Variants in RUNX2 observed in about 807,000 individuals in gnomAD.
RUNX2 encodes the protein RUNX family transcription factor 2.
RUNX2 carries 10 observed loss-of-function variants against 51.7 expected under a neutral mutation model. The ratio of observed to expected loss-of-function variants is 0.19; its 90% CI spans 0.12 to 0.33. The LOEUF (loss-of-function observed/expected upper bound fraction) is 0.33. Ranked by LOEUF, RUNX2 falls within the 10% of genes least tolerant of loss-of-function variation. RUNX2 has a pLI of 1.00. For synonymous variants in RUNX2, 276 were observed against 273.6 expected, an observed-to-expected ratio of 1.01 and a Z score of -0.09; for missense variants, 562 against 691.3, an observed-to-expected ratio of 0.81 and a Z score of 2.10.
chr6:45,430,204 T>A (rs2150366905), intron 3 of RUNX2, among the ~76,000 whole-genome samples: 1 of 152,272 alleles, frequency 6.6e-6, no homozygotes, highest in East Asian at 1.9e-4. Flanking sequence ...TCTCGTGTAG[T>A]TTCCTAACTC....
At position 45,422,669 on chromosome 6, in the gene RUNX2, G is replaced by A; in HGVS notation, c.135G>A (p.Val45=). 6.2e-7 allele frequency: 1 copy of A among 1,607,190 alleles called. No individual in the cohort carries two copies. The highest frequency in any genetic ancestry group is 1.3e-5 in the African/African-American group (1 of 74,584). The stretch of plus-strand genomic sequence containing the variant: ...GCAAAATGAGCGACGTGAGCCCGGT[G>A]GTGGCTGCGCAACAGCAGCAGCAAC... ...QPGKMSDVSP[V]VAAQQQQQQQ... Residue 45 remains valine, a synonymous_variant, in exon 3 of 9, where the codon GTG becomes GTA. Transcript: ENST00000647337.
At chr6:45,367,298 G>A (rs900739912) in intron 2 of RUNX2, among the ~76,000 whole-genome samples, 3 of 152,074 alleles carry the variant, frequency 2.0e-5, no homozygotes, top group African/African-American at 7.2e-5. Context: ...AACTGAGCCC[G>A]AAAACCAAAA....
chr6:45,468,693 T>G (rs1365201053), intron 5 of RUNX2, among the ~76,000 whole-genome samples: 2 of 152,070 alleles, frequency 1.3e-5, no homozygotes, highest in Non-Finnish European at 2.9e-5. Flanking sequence ...TATAACCAGA[T>G]TTTTTTTCAC....
intron 5 of RUNX2, among the ~76,000 whole-genome samples, chr6:45,462,746 G>T (rs766301363): frequency 6.6e-6 from 1 of 152,242 alleles, no homozygotes; most frequent in Non-Finnish European, 1.5e-5. Flanking sequence ...TGAAATCAAA[G>T]TGTGTACAAA....
chr6:45,425,038 C>T (rs1798346542), intron 3 of RUNX2, among the ~76,000 whole-genome samples: 1 of 152,038 alleles, frequency 6.6e-6, no homozygotes, highest in Non-Finnish European at 1.5e-5. Context: ...CACCAACGCC[C>T]TCCAATCCCC....
At chr6:45,398,677 A>T (rs1797633074) in intron 2 of RUNX2, among the ~76,000 whole-genome samples, 1 of 152,142 alleles carries the variant, frequency 6.6e-6, no homozygotes. Flanking sequence ...CCTTCAAAAG[A>T]GCTCCTTTAA....
intron 2 of RUNX2, among the ~76,000 whole-genome samples, chr6:45,419,911 G>C (rs1798143083): frequency 6.6e-6 from 1 of 152,098 alleles, no homozygotes; most frequent in Non-Finnish European, 1.5e-5. Flanking sequence ...GCAGGCGGCG[G>C]CTGTGGGGCG....
chr6:45,439,417 G>A (rs973795624), intron 5 of RUNX2, among the ~76,000 whole-genome samples: 3 of 152,132 alleles, frequency 2.0e-5, no homozygotes, highest in Non-Finnish European at 4.4e-5. Flanking sequence ...CCTGGTTTGG[G>A]GCTTTGCCTG....
intron 5 of RUNX2, among the ~76,000 whole-genome samples, chr6:45,453,328 T>C (rs1458265162): frequency 1.3e-5 from 2 of 152,166 alleles, no homozygotes; most frequent in Non-Finnish European, 2.9e-5. Context: ...TCAAACACGT[T>C]GCTATAGGAA....
chr6:45,395,394 G>A (rs374165384), intron 2 of RUNX2, among the ~76,000 whole-genome samples: 26 of 152,270 alleles, frequency 1.7e-4, no homozygotes, highest in African/African-American at 6.0e-4. Context: ...ACTGTTTTAT[G>A]CTCAAATCTG....
chr6:45,434,636 TC>T (rs1798631632), intron 4 of RUNX2, among the ~76,000 whole-genome samples: 1 of 152,220 alleles, frequency 6.6e-6, no homozygotes, highest in South Asian at 2.1e-4. Flanking sequence ...TTAAGGTTTT[TC>T]ATGGTTTTTC....
intron 2 of RUNX2, among the ~76,000 whole-genome samples, chr6:45,417,300 G>A (rs1798084474): frequency 6.6e-6 from 1 of 151,620 alleles, no homozygotes; most frequent in African/African-American, 2.4e-5. Context: ...CTTCATCTAT[G>A]CAGTTAATGT....
Position 45,422,773 on chromosome 6 carries a change from C to T in RUNX2, c.239C>T (p.Ala80Val). 2 of 1,484,002 alleles carry T rather than the reference C, an allele frequency of 1.3e-6. No homozygotes were observed. The highest frequency in any genetic ancestry group is 1.8e-6 in the Non-Finnish European group (2 of 1,122,508). 91.9% of individuals were successfully genotyped at this position (1,484,002 alleles called of 1,614,324 possible). The change falls in exon 3 of 9, where the codon GCG becomes GTG. Residue 80 changes from alanine (A) to valine (V), a missense_variant. By Grantham distance (64) the Ala-to-Val change is moderately conservative (BLOSUM62 0). Transcript: ENST00000647337. ...GAGGCGGCGGCGGCGGCTGCGGCGG[C>T]GGCGGCGGCTGCGGCGGCGGCAGCT... ...QQEAAAAAAA[A>V]AAAAAAAAAV...
intron 2 of RUNX2, among the ~76,000 whole-genome samples, chr6:45,377,136 A>G (rs928327271): frequency 1.3e-5 from 2 of 152,152 alleles, no homozygotes; most frequent in African/African-American, 4.8e-5. Flanking sequence ...GTGGAGAGCA[A>G]AAGCAGAGCT....
intron 7 of RUNX2, among the ~76,000 whole-genome samples, chr6:45,513,241 C>T (rs1443243892): frequency 7.0e-6 from 1 of 143,574 alleles, no homozygotes; most frequent in Admixed American, 7.1e-5. Context: ...ACCTCTTGGT[C>T]CACCCTGACA....
chr6:45,521,562 T>C (rs901254755), intron 7 of RUNX2, among the ~76,000 whole-genome samples: 2 of 152,254 alleles, frequency 1.3e-5, no homozygotes, highest in Admixed American at 6.5e-5. Flanking sequence ...AGCTCTTTTC[T>C]GAGAAAATGA....
chr6:45,483,162 C>T (rs1427384156), intron 5 of RUNX2, among the ~76,000 whole-genome samples: 5 of 152,164 alleles, frequency 3.3e-5, no homozygotes, highest in Admixed American at 6.5e-5. Flanking sequence ...TAATTTCCAG[C>T]GGCTCAAAGG....
intron 5 of RUNX2, among the ~76,000 whole-genome samples, chr6:45,461,805 C>T (rs1296875609): frequency 6.6e-5 from 10 of 150,772 alleles, no homozygotes; most frequent in South Asian, 4.2e-4. Context: ...TGTATTTCTT[C>T]GGTGCCTACT....
intron 4 of RUNX2, among the ~76,000 whole-genome samples, chr6:45,432,748 A>G (rs552128076): frequency 1.1e-3 from 165 of 152,294 alleles, no homozygotes; most frequent in African/African-American, 3.7e-3. Context: ...ATGTTTTTTA[A>G]AAAAGTCTTT....
Sources: gnomAD v4.1 joint callset for allele counts (sites outside exome capture counted in the v4.1 genomes callset) on GRCh38, gnomAD v4.1.1 for gene constraint, MANE v1.5 for transcripts, NCBI Gene and HGNC (gene_info 2026-07-23, HGNC 2026-07-21) for gene names.